The following HIVEP2 variants were observed in gnomAD, a reference collection of about 807,000 sequenced individuals.
The protein encoded by HIVEP2 is HIVEP zinc finger 2, also known as transcription factor HIVEP2.
Under a neutral mutation model 180.7 loss-of-function variants are expected in HIVEP2, and 14 were observed. The observed-to-expected ratio is 0.08, with a 90% CI of 0.05 to 0.12. The LOEUF (loss-of-function observed/expected upper bound fraction) is 0.12. HIVEP2 is among the 10% of genes least tolerant of loss of function. The pLI is 1.00. For synonymous variants in HIVEP2, 1,184 were observed against 1,136.4 expected, an observed-to-expected ratio of 1.04 and a Z score of -0.84; for missense variants, 2,579 against 3,008.5, an observed-to-expected ratio of 0.86 and a Z score of 3.34.
At chr6:142,907,435 T>G (rs1279886486) in intron 1 of HIVEP2, among the ~76,000 whole-genome samples, 1 of 152,106 alleles carries the variant, frequency 6.6e-6, no homozygotes, top group Non-Finnish European at 1.5e-5. Context: ...TTTAGAGAAT[T>G]TGGGGGAAGA....
intron 2 of HIVEP2, among the ~76,000 whole-genome samples, chr6:142,833,243 A>G (rs2114868743): frequency 6.6e-6 from 1 of 152,340 alleles, no homozygotes. Flanking sequence ...ATAACTACAT[A>G]ATAGCTATTG....
At chr6:142,812,809 A>T (rs78826593) in intron 2 of HIVEP2, among the ~76,000 whole-genome samples, 1 of 152,304 alleles carries the variant, frequency 6.6e-6, no homozygotes, top group Non-Finnish European at 1.5e-5. Context: ...AGAGAGGAAA[A>T]GTTCAAAATT....
intron 3 of HIVEP2, among the ~76,000 whole-genome samples, chr6:142,781,070 A>G (rs1241860812): frequency 6.6e-6 from 1 of 152,230 alleles, no homozygotes; most frequent in African/African-American, 2.4e-5. Context: ...GTACCATTGT[A>G]TCTACCTGCA....
chr6:142,764,380 G>T (rs928651257), intron 7 of HIVEP2, among the ~76,000 whole-genome samples: 1 of 152,150 alleles, frequency 6.6e-6, no homozygotes, highest in Non-Finnish European at 1.5e-5. Flanking sequence ...GAGTGTGTGG[G>T]TCTCTACATT....
At chr6:142,885,212 T>C (rs1776665948) in intron 1 of HIVEP2, among the ~76,000 whole-genome samples, 1 of 152,108 alleles carries the variant, frequency 6.6e-6, no homozygotes, top group Non-Finnish European at 1.5e-5. Flanking sequence ...TGCCAGCTTC[T>C]TTAGGTCCAG....
intron 2 of HIVEP2, among the ~76,000 whole-genome samples, chr6:142,793,673 T>TTCTCTCTCTCTCTCTCTCTCTCTC (rs71546219): frequency 9.3e-6 from 1 of 107,424 alleles, no homozygotes; most frequent in African/African-American, 3.7e-5. Context: ...CTTTCTTTCT[T>TTCTCTCTCTCTCTCTCTCTCTCTC]TCTCTCTCTC....
At chr6:142,932,462 A>C (rs544557383) in intron 1 of HIVEP2, among the ~76,000 whole-genome samples, 1 of 152,310 alleles carries the variant, frequency 6.6e-6, no homozygotes, top group East Asian at 1.9e-4. Flanking sequence ...TTTATTTTTG[A>C]GGAGTTATTA....
intron 2 of HIVEP2, among the ~76,000 whole-genome samples, chr6:142,832,079 C>A (rs1307912247): frequency 6.6e-6 from 1 of 151,618 alleles, no homozygotes; most frequent in Non-Finnish European, 1.5e-5. Context: ...TGTATACCAG[C>A]TACTAGGGAG....
chr6:142,898,074 C>T (rs1447683938), intron 1 of HIVEP2, among the ~76,000 whole-genome samples: 1 of 152,144 alleles, frequency 6.6e-6, no homozygotes, highest in Non-Finnish European at 1.5e-5. Context: ...CATTTTCAGC[C>T]TCTTCCCTGG....
At position 142,803,048 on chromosome 6, in the gene HIVEP2, C is replaced by A. The variant is rs149429565; in HGVS notation, c.-527-19433G>T. Among the ~76,000 whole-genome samples, 472 of 152,218 alleles carry A rather than the reference C, an allele frequency of 3.1e-3. 4 individuals carry two copies. The highest frequency in any genetic ancestry group is 0.011 in the African/African-American group (445 of 41,540). On this transcript the variant is annotated intron_variant, in intron 2 of 9. Transcript: ENST00000367603. ...AGTACAGCAAGAATGAATGCAGGGT[C>A]TTTTAAAGGCATCATATAAAACTCT... is the stretch of plus-strand genomic sequence containing the variant.
intron 6 of HIVEP2, among the ~76,000 whole-genome samples, chr6:142,765,426 TA>T (rs1460933084): frequency 6.6e-6 from 1 of 152,228 alleles, no homozygotes; most frequent in African/African-American, 2.4e-5. Flanking sequence ...CTAAATTTGC[TA>T]AATTAAGTAT....
chr6:142,812,175 C>G (rs1256033200), intron 2 of HIVEP2, among the ~76,000 whole-genome samples: 1 of 152,170 alleles, frequency 6.6e-6, no homozygotes. Context: ...GAGGACAGCA[C>G]TACACCGAGC....
rs762241627 is a variant in HIVEP2 at position 142,771,042 on chromosome 6, G to A, written c.3697C>T (p.Pro1233Ser). Residue 1233 changes from proline (P) to serine (S), a missense_variant, in exon 5 of 10, where the codon CCC (proline) becomes TCC (serine). Pro to Ser is a moderately conservative substitution (Grantham distance 74, BLOSUM62 -1). This residue lies in a region of HIVEP2 where 523 missense variants were observed against 577.0 expected (regional missense o/e 0.91). Transcript: ENST00000367603. This position sits in a 1 kb window ranked among gnomAD's most constrained non-coding sequence, Gnocchi z 5.4. ...PPWWQAHFPH[P>S]FAQHPQKSYG... ...CTCTTCTGAGGGTGCTGAGCAAAGG[G>A]ATGTGGGAAATGTGCCTGCCACCAG... 5.6e-6 allele frequency: 9 copies of A among 1,614,188 alleles called. No homozygotes were observed. The highest frequency in any genetic ancestry group is 7.6e-6 in the Non-Finnish European group (9 of 1,180,048).
chr6:142,817,706 C>T (rs140516610), intron 2 of HIVEP2, among the ~76,000 whole-genome samples: 13 of 152,190 alleles, frequency 8.5e-5, no homozygotes, highest in African/African-American at 1.7e-4. Context: ...TAAAATGATG[C>T]GCAAGAAAGT....
At chr6:142,819,867 T>TCCA (rs1028220872) in intron 2 of HIVEP2, among the ~76,000 whole-genome samples, 59 of 152,320 alleles carry the variant, frequency 3.9e-4, no homozygotes, top group African/African-American at 1.4e-3. Context: ...AAAGCTTAGA[T>TCCA]CCACAGTACA....
rs1554277297 is a variant in HIVEP2, at chr6:142,774,414, C to T, written c.325G>A (p.Val109Ile). The T allele has an allele frequency of 2.5e-6, 4 of 1,614,146 alleles. No homozygotes were observed. The highest frequency in any genetic ancestry group is 1.7e-5 in the Admixed American group (1 of 60,024). The change falls in exon 5 of 10, where the codon GTC becomes ATC. Residue 109 changes from valine to isoleucine, a missense_variant. Val to Ile is a conservative substitution (Grantham distance 29, BLOSUM62 3). Around this residue, in one of 11 missense-constraint regions of HIVEP2, gnomAD observed 207 missense variants for 210.1 expected, o/e 0.99. Transcript: ENST00000367603. The surrounding 1 kb of genome is among the most constrained non-coding windows in gnomAD (Gnocchi z 5.1). ...TGATGTGGCTTGGTGCTGTGCATGACCCCCTGTGGCAATGAGTGCTGAGGG... is the reference window on the plus strand; with the variant it reads ...TGATGTGGCTTGGTGCTGTGCATGATCCCCTGTGGCAATGAGTGCTGAGGG... ...SFPQHSLPQG[V>I]MHSTKPHQSL...
rs1303544062 is a variant in HIVEP2 at position 142,760,328 on chromosome 6, C to T, written c.5960G>A (p.Ser1987Asn). The change falls in exon 9 of 10, where the codon AGT becomes AAT. Residue 1987 changes from serine (S) to asparagine (N), a missense_variant. Physicochemically the swap from Ser to Asn is conservative, Grantham distance 46. Transcript: ENST00000367603. ...CATCTGGGTATCTTCACATGAATCA[C>T]TGGGTGTCATAAGCTGAGTAACTCG... is the stretch of plus-strand genomic sequence containing the variant. ...SIRVTQLMTP[S>N]DSCEDTQMTE... 6.2e-7 allele frequency: 1 copy of T among 1,614,162 alleles called. No homozygotes were observed. Among genetic ancestry groups the T allele is most frequent in the Non-Finnish European group, 8.5e-7 (1 of 1,180,008 alleles).
At position 142,802,843 on chromosome 6, in the gene HIVEP2, C is replaced by A. The variant is rs554732492; in HGVS notation, c.-527-19228G>T. ...CTGTGCAATTTACTTTGGAATTTTA[C>A]ATTTTTATACTAAGAGGTAAAGTCC... On this transcript the variant is annotated intron_variant, in intron 2 of 9. Coordinates refer to ENST00000367603, the MANE Select transcript of HIVEP2 (RefSeq NM_006734.4). 1.4e-4 allele frequency among the ~76,000 whole-genome samples: 21 copies of A among 152,240 alleles called. 1 individual carries two copies. In the South Asian group the frequency reaches 4.1e-3, roughly 30 times the overall value.
At chr6:142,861,466 C>T (rs1457122759) in intron 1 of HIVEP2, among the ~76,000 whole-genome samples, 1 of 152,118 alleles carries the variant, frequency 6.6e-6, no homozygotes, top group African/African-American at 2.4e-5. Context: ...AGCAAAATGC[C>T]AGAGCAAAGA....
Sources: allele counts gnomAD v4.1 joint callset (sites outside exome capture counted in the v4.1 genomes callset), GRCh38; gene constraint gnomAD v4.1.1; regional missense constraint gnomAD v4.1.1; non-coding constraint Gnocchi (gnomAD v3.1); transcripts MANE v1.5; gene names NCBI Gene and HGNC (gene_info 2026-07-23, HGNC 2026-07-21).